Variants in RNF115 observed in about 807,000 individuals in gnomAD.
RNF115 encodes the protein E3 ubiquitin-protein ligase RNF115.
A neutral mutation model predicts 39.2 loss-of-function variants in RNF115; 31 were observed. That is an observed-to-expected ratio of 0.79 (90% CI 0.59 to 1.07). RNF115 has a LOEUF of 1.07. RNF115 is among the 50% of genes least tolerant of loss of function. The probability of loss-of-function intolerance (pLI) is 0.00; values close to 1 mark genes in which losing one functional copy is unlikely to be tolerated. For synonymous variants in RNF115, 124 were observed against 131.0 expected, an observed-to-expected ratio of 0.95 and a Z score of 0.37; for missense variants, 384 against 381.7, an observed-to-expected ratio of 1.01 and a Z score of -0.05.
intron 2 of RNF115, among the ~76,000 whole-genome samples, chr1:145,785,993 C>G (rs1054625838): frequency 2.0e-4 from 31 of 152,210 alleles, no homozygotes; most frequent in African/African-American, 7.5e-4. Context: ...CAAGCCCAGA[C>G]AGGCTTCCAA....
intron 1 of RNF115, among the ~76,000 whole-genome samples, chr1:145,803,100 G>A (rs1553721105): frequency 1.3e-5 from 2 of 152,122 alleles, no homozygotes; most frequent in African/African-American, 4.8e-5. Flanking sequence ...AAGAAATTAA[G>A]GAAGACATAC....
At chr1:145,789,647 C>T (rs587601196) in intron 1 of RNF115, among the ~76,000 whole-genome samples, 2 of 151,496 alleles carry the variant, frequency 1.3e-5, no homozygotes, top group South Asian at 2.1e-4. Flanking sequence ...AACTACCTGC[C>T]TCAGCCTCCC....
intron 4 of RNF115, among the ~76,000 whole-genome samples, chr1:145,766,114 T>C (rs1345520335): frequency 1.3e-5 from 2 of 152,170 alleles, no homozygotes; most frequent in Admixed American, 6.5e-5. Flanking sequence ...CAAAGGTCTC[T>C]GGTTTTCCTA....
At chr1:145,771,234 G>A (rs1378548297) in intron 4 of RNF115, among the ~76,000 whole-genome samples, 2 of 152,184 alleles carry the variant, frequency 1.3e-5, no homozygotes, top group African/African-American at 2.4e-5. Context: ...AGTTATTGTT[G>A]AGTGAGTTCC....
Position 145,812,601 on chromosome 1 carries a change from A to G in RNF115, c.102+11171T>C, listed in dbSNP as rs587611117. On this transcript the variant is annotated intron_variant, in intron 1 of 8. Coordinates refer to ENST00000582693, the MANE Select transcript of RNF115 (RefSeq NM_014455.4). ...CTTGAACGTGGGAGGCGGAGGTTGCAGTGAGCCAAGATCGCACCACTGCAC... is the reference window on the plus strand; with the variant it reads ...CTTGAACGTGGGAGGCGGAGGTTGCGGTGAGCCAAGATCGCACCACTGCAC... Among the ~76,000 whole-genome samples, 6 of 151,864 alleles carry G rather than the reference A, an allele frequency of 4.0e-5. No homozygotes were observed. In the East Asian group the frequency reaches 1.2e-3, roughly 29 times the overall value.
intron 4 of RNF115, among the ~76,000 whole-genome samples, chr1:145,769,320 G>A (rs1167548159): frequency 3.3e-5 from 5 of 152,118 alleles, no homozygotes; most frequent in Non-Finnish European, 7.4e-5. Flanking sequence ...ATGAATACCT[G>A]TAAAGCATTT....
Position 145,780,436 on chromosome 1 carries a change from C to T in RNF115, c.219+4103G>A, listed in dbSNP as rs587764384. 2.6e-5 allele frequency among the ~76,000 whole-genome samples: 4 copies of T among 151,834 alleles called. No homozygotes were observed. In the South Asian group the frequency reaches 6.3e-4, roughly 24 times the overall value. Reference sequence around the variant, plus strand: ...GAGATCGAGACCATCCTGGCTAACACGGTGAAACCCCGTCTCTACTAAAAA... The same window carrying T: ...GAGATCGAGACCATCCTGGCTAACATGGTGAAACCCCGTCTCTACTAAAAA... On this transcript the variant is annotated intron_variant, in intron 3 of 8. Transcript: ENST00000582693.
At chr1:145,823,663 A>T in intron 1 of RNF115, 109 bp downstream of exon 1, 1 of 917,094 alleles carries the variant, frequency 1.1e-6, no homozygotes, top group Non-Finnish European at 1.6e-6. Flanking sequence ...TATTCGGCAG[A>T]CCGATGTCGG....
At chr1:145,768,071 C>T (rs1427831069) in intron 4 of RNF115, among the ~76,000 whole-genome samples, 2 of 152,264 alleles carry the variant, frequency 1.3e-5, no homozygotes, top group Non-Finnish European at 2.9e-5. Context: ...CGAGGTCAGA[C>T]GCTTGCCCTT....
Position 145,762,213 on chromosome 1 carries a change from AATGAAT to A in RNF115, c.429-9170_429-9165del, listed in dbSNP as rs1430574796. On this transcript the variant is annotated intron_variant, in intron 4 of 8. Transcript: ENST00000582693. ...CTTCAGACTTTTGGGTTAATGCCTA[AATGAAT>A]TAAGACTTTGGGGGACTGCTGGGAA... 5.8e-4 allele frequency among the ~76,000 whole-genome samples: 88 copies of A among 152,304 alleles called. 1 individual carries two copies. Among genetic ancestry groups the A allele is most frequent in the African/African-American group, 2.1e-3 (86 of 41,540 alleles).
At chr1:145,748,160 G>GA in intron 7 of RNF115, 50 bp from the exon 8 acceptor site, 2 of 1,309,102 alleles carry the variant, frequency 1.5e-6, no homozygotes, top group Non-Finnish European at 2.2e-6. Context: ...AAGGAAAGAA[G>GA]AAAAAACTAA....
chr1:145,771,622 T>C (rs1041650275), intron 4 of RNF115, 89 bp downstream of exon 4: 2 of 1,026,270 alleles, frequency 1.9e-6, no homozygotes, highest in African/African-American at 3.2e-5. Flanking sequence ...ACAAAGGTAA[T>C]AAGTATGAGA....
chr1:145,751,812 T>C (rs1284302900), intron 5 of RNF115, among the ~76,000 whole-genome samples: 1 of 152,176 alleles, frequency 6.6e-6, no homozygotes, highest in Non-Finnish European at 1.5e-5. Context: ...AAATTTGTGT[T>C]TTCTGTGCCC....
In RNF115 at chr1:145,751,475, G is replaced by A; in HGVS notation, c.536C>T (p.Ala179Val). Residue 179 changes from alanine (A) to valine (V), a missense_variant, in exon 6 of 9, where the codon GCC becomes GTC. Transcript: ENST00000582693. The stretch of plus-strand genomic sequence containing the variant: ...GGCATCAAGCCCTGTCTGACCCCAG[G>A]CATAGTCCCCAGGGTTGGAGTGCAG... Reference protein sequence around the residue: ...GMLHSNPGDYAWGQTGLDAIV... With the variant: ...GMLHSNPGDYVWGQTGLDAIV... 6.3e-7 allele frequency: 1 copy of A among 1,596,046 alleles called. No individual in the cohort carries two copies. The highest frequency in any genetic ancestry group is 8.5e-7 in the Non-Finnish European group (1 of 1,170,860).
intron 5 of RNF115, among the ~76,000 whole-genome samples, chr1:145,752,295 A>T (rs951077496): frequency 2.0e-5 from 3 of 152,170 alleles, no homozygotes; most frequent in African/African-American, 7.2e-5. Context: ...AATGTTTTCA[A>T]TTTCAGAAAT....
At chr1:145,804,443 A>G (rs781885134) in intron 1 of RNF115, among the ~76,000 whole-genome samples, 6 of 152,084 alleles carry the variant, frequency 3.9e-5, no homozygotes, top group Non-Finnish European at 7.3e-5. Flanking sequence ...AATCATTTCA[A>G]CTATGTATGT....
At chr1:145,778,074 G>A (rs1474213635) in intron 3 of RNF115, among the ~76,000 whole-genome samples, 1 of 152,150 alleles carries the variant, frequency 6.6e-6, no homozygotes, top group Non-Finnish European at 1.5e-5. Flanking sequence ...GGCAAAAAGT[G>A]TAAACAACCT....
At chr1:145,789,410 TTC>T (rs1262991458) in intron 1 of RNF115, among the ~76,000 whole-genome samples, 1 of 151,496 alleles carries the variant, frequency 6.6e-6, no homozygotes, top group Non-Finnish European at 1.5e-5. Flanking sequence ...CTAGTTTTTT[TTC>T]TTTTTTTTTT....
At chr1:145,805,965 TACA>T (rs1221564551) in intron 1 of RNF115, among the ~76,000 whole-genome samples, 5 of 152,196 alleles carry the variant, frequency 3.3e-5, no homozygotes, top group African/African-American at 1.2e-4. Context: ...TGTTAGTTCT[TACA>T]ACAACAATAT....
Sources: allele counts gnomAD v4.1 joint callset (sites outside exome capture counted in the v4.1 genomes callset), GRCh38; gene constraint gnomAD v4.1.1; transcripts MANE v1.5; gene names NCBI Gene and HGNC (gene_info 2026-07-23, HGNC 2026-07-21).